RYR1: variants seen among roughly 807,000 people sequenced by gnomAD.
RYR1 encodes the protein central core disease of muscle.
RYR1 carries 342 observed loss-of-function variants against 583.5 expected under a neutral mutation model. That is an observed-to-expected ratio of 0.59 (90% CI 0.54 to 0.64). The LOEUF (loss-of-function observed/expected upper bound fraction) is 0.64. Ranked by LOEUF, RYR1 falls within the 30% of genes least tolerant of loss-of-function variation. RYR1 has a pLI of 0.00. For missense variants in RYR1, 6,032 were observed against 6,917.2 expected (o/e 0.87, Z 4.54); for synonymous variants, 2,791 against 2,822.5 (o/e 0.99, Z 0.35).
chr19:38,530,280 T>C (rs907998835), intron 76 of RYR1, among the ~76,000 whole-genome samples: 7 of 151,986 alleles, frequency 4.6e-5, no homozygotes, highest in Admixed American at 1.3e-4. Context: ...GAGAAGATCT[T>C]GCTCTTCTTG....
chr19:38,504,061 A>G (rs1166204419), intron 49 of RYR1, among the ~76,000 whole-genome samples, 159 bp from the exon 50 acceptor site: 1 of 152,006 alleles, frequency 6.6e-6, no homozygotes, highest in East Asian at 1.9e-4. Context: ...CTCCTCAATA[A>G]ACATACCATT....
intron 97 of RYR1, 143 bp downstream of exon 97, chr19:38,576,104 T>G (rs907032271): frequency 8.3e-6 from 7 of 847,818 alleles, no homozygotes; most frequent in African/African-American, 6.7e-5. Context: ...AGTTTCCCCA[T>G]GGGGAGATGG....
At position 38,460,444 on chromosome 19, in the gene RYR1, C is replaced by A. The variant is rs1371069319; in HGVS notation, c.2430C>A (p.Cys810Ter). ...TGCCCCCACCTGGCTATGCTCCATG[C>A]CATGAGGCTGTGCTCCCTCGAGAGC... ...KFLPPPGYAP[C>*]HEAVLPRERL... Residue 810 changes from cysteine (C) to a stop codon, truncating the protein, a stop_gained, in exon 20 of 106, where the codon TGC (cysteine) becomes TGA (stop). Transcript: ENST00000359596. LOFTEE classifies it high-confidence loss of function. The A allele has an allele frequency of 6.2e-7, 1 of 1,614,250 alleles. No individual in the cohort carries two copies. The highest frequency in any genetic ancestry group is 1.7e-5 in the Admixed American group (1 of 60,028).
At chr19:38,566,108 G>A (rs1045202335) in intron 91 of RYR1, among the ~76,000 whole-genome samples, 1 of 151,844 alleles carries the variant, frequency 6.6e-6, no homozygotes, top group East Asian at 1.9e-4. Context: ...GATACCTGCA[G>A]AGCCAGAGAG....
intron 48 of RYR1, 45 bp downstream of exon 48, chr19:38,502,772 GGC>G (rs763827199): frequency 6.9e-5 from 77 of 1,108,954 alleles, no homozygotes; most frequent in East Asian, 5.4e-5. Flanking sequence ...CAGGGGCAGG[GGC>G]AGGGGCAGGG....
chr19:38,580,435 C>A lies in RYR1; in HGVS notation c.14577C>A (p.Phe4859Leu). Residue 4859 changes from phenylalanine (F) to leucine (L), a missense_variant, in exon 101 of 106, where the codon TTC (phenylalanine) becomes TTA (leucine). By Grantham distance (22) the Phe-to-Leu change is conservative (BLOSUM62 0). This residue lies in a region of RYR1 where 189 missense variants were observed against 350.3 expected (regional missense o/e 0.54). Transcript: ENST00000359596. ...VYLYTVVAFNFFRKFYNKSED... is the reference protein window; with the variant it reads ...VYLYTVVAFNLFRKFYNKSED... ...TGTACACCGTGGTGGCCTTCAACTT[C>A]TTCCGCAAGTTCTACAACAAGAGCG... The A allele has an allele frequency of 1.9e-6, 3 of 1,614,176 alleles. No individual in the cohort carries two copies. Among genetic ancestry groups the A allele is most frequent in the Non-Finnish European group, 2.5e-6 (3 of 1,180,026 alleles).
At chr19:38,434,119 T>C (rs1056473770) in intron 1 of RYR1, among the ~76,000 whole-genome samples, 2 of 152,110 alleles carry the variant, frequency 1.3e-5, no homozygotes, top group African/African-American at 4.8e-5. Context: ...CTTCTGACTT[T>C]AGCGATTTGT....
At chr19:38,547,874 C>A (rs1471455405) in intron 88 of RYR1, among the ~76,000 whole-genome samples, 1 of 152,014 alleles carries the variant, frequency 6.6e-6, no homozygotes, top group Non-Finnish European at 1.5e-5. Flanking sequence ...CCACCACGCC[C>A]AGCTGATTTT....
At chr19:38,542,612 G>A (rs989741640) in intron 84 of RYR1, among the ~76,000 whole-genome samples, 2 of 151,978 alleles carry the variant, frequency 1.3e-5, no homozygotes, top group African/African-American at 2.4e-5. Flanking sequence ...TCTGCCTTCC[G>A]GGTTCAAGCA....
chr19:38,455,764 C>T lies in RYR1; in HGVS notation c.1791+13C>T, dbSNP rs1003728370. On this transcript the variant is annotated intron_variant, in intron 16 of 105. Coordinates refer to ENST00000359596, the MANE Select transcript of RYR1 (RefSeq NM_000540.3). ...GAGGAACCACAAGGTCGGCCCCTCA[C>T]CCCTGACCTCTCATCCCCTGAACTC... 2 of 1,494,796 alleles carry T rather than the reference C, an allele frequency of 1.3e-6. No individual in the cohort carries two copies. The highest frequency in any genetic ancestry group is 1.4e-5 in the African/African-American group (1 of 72,538). The allele number at this position is 1,494,796 out of a possible 1,614,324, so 92.6% of individuals were successfully genotyped here. A position where few individuals can be genotyped will look rare whatever the true frequency, so the allele number is the denominator to read the frequency against.
At position 38,566,953 on chromosome 19, in the gene RYR1, G is replaced by C. The variant is rs143849895; in HGVS notation, c.13480G>C (p.Glu4494Gln). 1.2e-6 allele frequency: 2 copies of C among 1,606,148 alleles called. No individual in the cohort carries two copies. The highest frequency in any genetic ancestry group is 1.7e-6 in the Non-Finnish European group (2 of 1,176,598). The stretch of plus-strand genomic sequence containing the variant: ...GGAGCTCCCGCCAGAGCCAGAGCCC[G>C]AGCCGGAACCAGAGCTGGAGCCGGA... ...EEELPPEPEP[E>Q]PEPELEPEKA... The change falls in exon 92 of 106, where the codon GAG (glutamate) becomes CAG (glutamine). Residue 4494 changes from glutamate (E) to glutamine (Q), a missense_variant. Glu to Gln is a conservative substitution (Grantham distance 29). Around this residue, in one of 11 missense-constraint regions of RYR1, gnomAD observed 753 missense variants for 759.6 expected, o/e 0.99. Coordinates refer to ENST00000359596, the MANE Select transcript of RYR1 (RefSeq NM_000540.3).
intron 84 of RYR1, among the ~76,000 whole-genome samples, chr19:38,541,495 C>T (rs1972188274): frequency 6.6e-6 from 1 of 152,128 alleles, no homozygotes; most frequent in Non-Finnish European, 1.5e-5. Flanking sequence ...GCAGGTGGAT[C>T]ACAAGGTCAG....
rs749322590 is a variant in RYR1, at chr19:38,500,936, C to G, written c.7560C>G (p.His2520Gln). ...TCGAGAACCAGGACTTCTTGCTGCACGTGCTGGACGTGGGGTTCCTGCCCG... is the reference window on the plus strand; with the variant it reads ...TCGAGAACCAGGACTTCTTGCTGCAGGTGCTGGACGTGGGGTTCCTGCCCG... ...YGIENQDFLL[H>Q]VLDVGFLPDM... The change falls in exon 47 of 106, where the codon CAC becomes CAG. Residue 2520 changes from histidine to glutamine, a missense_variant. His to Gln is a conservative substitution (Grantham distance 24). This residue lies in a region of RYR1 where 2,627 missense variants were observed against 2,961.3 expected (regional missense o/e 0.89). Coordinates refer to ENST00000359596, the MANE Select transcript of RYR1 (RefSeq NM_000540.3). The surrounding 1 kb of genome is among the most constrained non-coding windows in gnomAD (Gnocchi z 5.9). 3 of 1,613,700 alleles carry G rather than the reference C, an allele frequency of 1.9e-6. No homozygotes were observed. The highest frequency in any genetic ancestry group is 1.7e-5 in the Admixed American group (1 of 59,970).
intron 83 of RYR1, among the ~76,000 whole-genome samples, chr19:38,537,666 T>C (rs2145755644): frequency 6.6e-6 from 1 of 152,200 alleles, no homozygotes; most frequent in Middle Eastern, 3.4e-3. Context: ...GCCCCTTGGG[T>C]CTCCGTCTGC....
rs1373510468 is a variant in RYR1, at chr19:38,503,216, C to G, written c.7926+246C>G. 2.0e-5 allele frequency among the ~76,000 whole-genome samples: 3 copies of G among 152,194 alleles called. No individual in the cohort carries two copies. The East Asian group carries it at 5.8e-4, about 29-fold the overall frequency. On this transcript the variant is annotated intron_variant, in intron 49 of 105. Coordinates refer to ENST00000359596, the MANE Select transcript of RYR1 (RefSeq NM_000540.3). ...AGCATTTAATTTGCTTAACAGTGAGCCAGCCCCCGCTTCAATTAGCATATA... is the reference window on the plus strand; with the variant it reads ...AGCATTTAATTTGCTTAACAGTGAGGCAGCCCCCGCTTCAATTAGCATATA...
chr19:38,441,512 G>A (rs923817956), intron 2 of RYR1, among the ~76,000 whole-genome samples: 2 of 150,494 alleles, frequency 1.3e-5, no homozygotes, highest in African/African-American at 2.5e-5. Flanking sequence ...CCCCAAGTCC[G>A]AGCTCGGGAA....
intron 31 of RYR1, among the ~76,000 whole-genome samples, chr19:38,479,085 T>C (rs2145509332): frequency 6.6e-6 from 1 of 152,312 alleles, no homozygotes; most frequent in Admixed American, 6.5e-5. Flanking sequence ...AGCCTTGACC[T>C]TGGAAAGAGG....
intron 89 of RYR1, among the ~76,000 whole-genome samples, chr19:38,549,144 AAAT>A (rs1972556064): frequency 6.6e-6 from 1 of 152,146 alleles, no homozygotes. Flanking sequence ...TTCCAAGTCT[AAAT>A]AATGAGCCTG....
intron 34 of RYR1, among the ~76,000 whole-genome samples, chr19:38,487,214 AC>A (rs1969339415): frequency 6.6e-6 from 1 of 151,784 alleles, no homozygotes; most frequent in South Asian, 2.1e-4. Flanking sequence ...CCATCCACCT[AC>A]CCACAAATCC....
Sources: gnomAD v4.1 joint callset for allele counts (sites outside exome capture counted in the v4.1 genomes callset) on GRCh38, gnomAD v4.1.1 for gene constraint, gnomAD v4.1.1 regional missense constraint, Gnocchi (gnomAD v3.1) non-coding constraint, MANE v1.5 for transcripts, NCBI Gene and HGNC (gene_info 2026-07-23, HGNC 2026-07-21) for gene names.